Variants in CAMK1D observed in about 807,000 individuals in gnomAD.
The protein encoded by CAMK1D is calcium/calmodulin dependent protein kinase ID.
In CAMK1D, 9 loss-of-function variants were observed where a neutral mutation model predicts 47.7. The ratio of observed to expected loss-of-function variants is 0.19; its 90% CI spans 0.11 to 0.33. The LOEUF is 0.33. Among genes scored for constraint, CAMK1D ranks in the 10% least tolerant of loss-of-function variants. CAMK1D has a pLI of 1.00. For synonymous variants in CAMK1D, 184 were observed against 184.9 expected (o/e 0.99, Z 0.04); for missense variants, 291 against 488.7 (o/e 0.60, Z 3.81).
chr10:12,420,572 T>A (rs942405172), intron 1 of CAMK1D, among the ~76,000 whole-genome samples: 4 of 152,102 alleles, frequency 2.6e-5, no homozygotes, highest in African/African-American at 4.8e-5. Context: ...CTTTTTTTTT[T>A]AATTGTCTAG....
At chr10:12,561,821 G>A (rs1836952983) in intron 2 of CAMK1D, among the ~76,000 whole-genome samples, 1 of 152,188 alleles carries the variant, frequency 6.6e-6, no homozygotes, top group African/African-American at 2.4e-5. Flanking sequence ...ATGCATTTCT[G>A]TTAATTTCTT....
intron 3 of CAMK1D, among the ~76,000 whole-genome samples, chr10:12,706,925 G>A (rs1588829184): frequency 6.6e-6 from 1 of 152,182 alleles, no homozygotes; most frequent in African/African-American, 2.4e-5. Context: ...GCCATTTAGG[G>A]TGGGACGTGC....
At chr10:12,792,697 G>A (rs1564565866) in intron 6 of CAMK1D, among the ~76,000 whole-genome samples, 1 of 152,184 alleles carries the variant, frequency 6.6e-6, no homozygotes, top group Non-Finnish European at 1.5e-5. Context: ...AGGTAACAGT[G>A]CCTGTAGATT....
chr10:12,614,582 G>C (rs955934825), intron 2 of CAMK1D, among the ~76,000 whole-genome samples: 1 of 152,164 alleles, frequency 6.6e-6, no homozygotes, highest in Non-Finnish European at 1.5e-5. Flanking sequence ...AATAATTTTC[G>C]AGGGAAATTT....
At position 12,444,878 on chromosome 10, in the gene CAMK1D, G is replaced by C. The variant is rs183095436; in HGVS notation, c.92+94968G>C. On this transcript the variant is annotated intron_variant, in intron 1 of 10. Coordinates refer to ENST00000619168, the MANE Select transcript of CAMK1D (RefSeq NM_153498.4). ...GGCTTCAGAGAGATTAGACAGTAAA[G>C]GTGCCAGACTCTTAGTTAAATCTCT... 5.3e-5 allele frequency among the ~76,000 whole-genome samples: 8 copies of C among 152,316 alleles called. 1 individual carries two copies. In the East Asian group the frequency reaches 1.4e-3, roughly 26 times the overall value.
intron 3 of CAMK1D, among the ~76,000 whole-genome samples, chr10:12,702,420 A>G (rs1833558643): frequency 2.0e-5 from 3 of 152,188 alleles, no homozygotes; most frequent in Admixed American, 6.5e-5. Flanking sequence ...TCTGTTTCTG[A>G]CACTCTTGAG....
chr10:12,456,586 C>T (rs1050519618), intron 1 of CAMK1D: 1 of 152,050 alleles, frequency 6.6e-6, no homozygotes, highest in African/African-American at 2.4e-5. Context: ...ATCACTCAGC[C>T]TGGGCAACAT....
intron 3 of CAMK1D, among the ~76,000 whole-genome samples, chr10:12,711,235 G>T (rs1389983746): frequency 2.0e-5 from 3 of 152,196 alleles, no homozygotes; most frequent in African/African-American, 7.2e-5. Flanking sequence ...AGGAATCCAA[G>T]ATCTAGCCAT....
chr10:12,697,470 C>T (rs1314105999), intron 3 of CAMK1D, among the ~76,000 whole-genome samples: 1 of 152,192 alleles, frequency 6.6e-6, no homozygotes, highest in Non-Finnish European at 1.5e-5. Context: ...TCAATCTCAG[C>T]TCACTGCAAC....
At position 12,560,920 on chromosome 10, in the gene CAMK1D, CT is replaced by C. The variant is rs201689289; in HGVS notation, c.224+7575del. On this transcript the variant is annotated intron_variant, in intron 2 of 10. Coordinates refer to ENST00000619168, the MANE Select transcript of CAMK1D (RefSeq NM_153498.4). Reference sequence around the variant, plus strand: ...GTTACCTTGATTTCTTTCTTTCTTTCTTTTTTTTTTTGAGATGGAGTCTCGC... The same window carrying C: ...GTTACCTTGATTTCTTTCTTTCTTTCTTTTTTTTTTGAGATGGAGTCTCGC... 2.1e-4 allele frequency among the ~76,000 whole-genome samples: 31 copies of C among 150,068 alleles called. No individual in the cohort carries two copies. The South Asian group carries it at 5.1e-3, about 25-fold the overall frequency.
At chr10:12,657,397 C>T (rs1840147838) in intron 2 of CAMK1D, among the ~76,000 whole-genome samples, 1 of 148,962 alleles carries the variant, frequency 6.7e-6, no homozygotes, top group South Asian at 2.1e-4. Flanking sequence ...TGCACTCCAG[C>T]CTAGTGATGG....
intron 2 of CAMK1D, among the ~76,000 whole-genome samples, chr10:12,648,844 G>T (rs1470736303): frequency 6.6e-6 from 1 of 152,076 alleles, no homozygotes; most frequent in Non-Finnish European, 1.5e-5. Flanking sequence ...GTGTTCATCT[G>T]AAGAGATTTT....
chr10:12,666,090 C>A (rs981850391), intron 2 of CAMK1D, among the ~76,000 whole-genome samples: 2 of 152,144 alleles, frequency 1.3e-5, no homozygotes, highest in African/African-American at 4.8e-5. Flanking sequence ...TTTGTAGATG[C>A]TGGTGCTGCC....
chr10:12,462,125 A>G (rs1285194978), intron 1 of CAMK1D, among the ~76,000 whole-genome samples: 1 of 149,168 alleles, frequency 6.7e-6, no homozygotes, highest in African/African-American at 2.5e-5. Flanking sequence ...TCATTACTAA[A>G]TGGATAATTT....
intron 3 of CAMK1D, among the ~76,000 whole-genome samples, chr10:12,737,896 A>G (rs1181770423): frequency 2.0e-5 from 3 of 152,234 alleles, no homozygotes; most frequent in Non-Finnish European, 1.5e-5. Context: ...CCATACATCA[A>G]AATAAATTCT....
chr10:12,443,421 C>T (rs1054857784), intron 1 of CAMK1D, among the ~76,000 whole-genome samples: 7 of 151,980 alleles, frequency 4.6e-5, no homozygotes, highest in African/African-American at 9.7e-5. Flanking sequence ...CACGAAGGCA[C>T]GAACCATGTG....
intron 5 of CAMK1D, among the ~76,000 whole-genome samples, chr10:12,787,415 C>T (rs570273356): frequency 2.0e-4 from 31 of 152,250 alleles, no homozygotes; most frequent in South Asian, 4.1e-4. Context: ...GGAGGTTGTT[C>T]TTTTAAAGAG....
chr10:12,581,356 C>T (rs1837658959), intron 2 of CAMK1D, among the ~76,000 whole-genome samples: 1 of 152,120 alleles, frequency 6.6e-6, no homozygotes, highest in African/African-American at 2.4e-5. Flanking sequence ...CATGCATGTG[C>T]AAGTATGTTT....
chr10:12,551,521 G>A (rs190922055), intron 1 of CAMK1D, among the ~76,000 whole-genome samples: 1 of 152,160 alleles, frequency 6.6e-6, no homozygotes, highest in East Asian at 1.9e-4. Flanking sequence ...TTGGGAGGTC[G>A]AGGCGAGTGA....
Sources: allele counts gnomAD v4.1 joint callset (sites outside exome capture counted in the v4.1 genomes callset), GRCh38; gene constraint gnomAD v4.1.1; transcripts MANE v1.5; gene names NCBI Gene and HGNC (gene_info 2026-07-23, HGNC 2026-07-21).